The following SGCZ variants were observed in gnomAD, a reference collection of about 807,000 sequenced individuals.
SGCZ encodes the protein sarcoglycan zeta.
Under a neutral mutation model 41.3 loss-of-function variants are expected in SGCZ, and 40 were observed. The ratio of observed to expected loss-of-function variants is 0.97; its 90% CI spans 0.75 to 1.26. The LOEUF is 1.26. SGCZ is among the 50% of genes most tolerant of loss of function. SGCZ has a pLI of 0.00. For synonymous variants in SGCZ, 206 were observed against 137.5 expected, an observed-to-expected ratio of 1.50 and a Z score of -3.49; for missense variants, 552 against 369.8, an observed-to-expected ratio of 1.49 and a Z score of -4.04.
At chr8:14,532,200 T>C (rs1903592) in intron 2 of SGCZ, among the ~76,000 whole-genome samples, 54,646 of 151,840 alleles carry the variant, frequency 0.36, 10,431 homozygotes, top group East Asian at 0.5. Flanking sequence ...AAATCACAGA[T>C]GTATCCAGAT....
At chr8:14,999,036 G>A (rs1055468007) in intron 1 of SGCZ, among the ~76,000 whole-genome samples, 1 of 152,190 alleles carries the variant, frequency 6.6e-6, no homozygotes, top group African/African-American at 2.4e-5. Context: ...TAGGGGTGTT[G>A]TGTCCCAGGT....
At chr8:14,450,828 T>C (rs184649173) in intron 2 of SGCZ, among the ~76,000 whole-genome samples, 1 of 152,214 alleles carries the variant, frequency 6.6e-6, no homozygotes, top group East Asian at 1.9e-4. Context: ...TACCTGGGCT[T>C]CAGCTCTATT....
intron 1 of SGCZ, among the ~76,000 whole-genome samples, chr8:15,156,402 T>C (rs547778196): frequency 6.6e-6 from 1 of 152,302 alleles, no homozygotes; most frequent in East Asian, 1.9e-4. Flanking sequence ...CTAAGAGAAC[T>C]TGCCAATCGT....
At chr8:14,816,439 T>A (rs1801905000) in intron 1 of SGCZ, among the ~76,000 whole-genome samples, 1 of 152,222 alleles carries the variant, frequency 6.6e-6, no homozygotes, top group Non-Finnish European at 1.5e-5. Context: ...AATGTTATAT[T>A]CACTGATTTC....
intron 2 of SGCZ, 126 bp downstream of exon 2, chr8:14,554,606 T>A: frequency 1.3e-6 from 1 of 782,708 alleles, no homozygotes; most frequent in East Asian, 2.7e-5. Context: ...ATTATTTTCT[T>A]TGGGATTTAA....
intron 1 of SGCZ, among the ~76,000 whole-genome samples, chr8:15,213,759 T>A (rs1248693914): frequency 1.3e-5 from 2 of 151,862 alleles, no homozygotes; most frequent in Non-Finnish European, 2.9e-5. Flanking sequence ...CTAGATATAA[T>A]ACTGTTTTAT....
intron 1 of SGCZ, among the ~76,000 whole-genome samples, chr8:14,898,378 C>A (rs1235989709): frequency 1.3e-5 from 2 of 152,158 alleles, no homozygotes; most frequent in East Asian, 3.9e-4. Flanking sequence ...CCGAGGCTGC[C>A]GCTGAACCTC....
chr8:14,462,333 G>A (rs191567008), intron 2 of SGCZ, among the ~76,000 whole-genome samples: 1 of 151,948 alleles, frequency 6.6e-6, no homozygotes, highest in Non-Finnish European at 1.5e-5. Context: ...CATGTAATTT[G>A]TGTTCCTTTT....
At position 15,183,841 on chromosome 8, in the gene SGCZ, C is replaced by T. The variant is rs1460953671; in HGVS notation, c.39+53744G>A. 6.6e-5 allele frequency among the ~76,000 whole-genome samples: 10 copies of T among 152,104 alleles called. 1 individual carries two copies. Among genetic ancestry groups the T allele is most frequent in the Admixed American group, 5.9e-4 (9 of 15,264 alleles). Reference sequence around the variant, plus strand: ...TATGATCTGTTCTCACAAAATCTCACAGTTCACAAAAATTAACTTTACTAG... The same window carrying T: ...TATGATCTGTTCTCACAAAATCTCATAGTTCACAAAAATTAACTTTACTAG... On this transcript the variant is annotated intron_variant, in intron 1 of 7. Transcript: ENST00000382080.
intron 1 of SGCZ, among the ~76,000 whole-genome samples, chr8:14,902,697 A>T (rs1799006096): frequency 6.6e-6 from 1 of 152,164 alleles, no homozygotes. Flanking sequence ...AGAAAGATAT[A>T]AATATCACAA....
intron 2 of SGCZ, among the ~76,000 whole-genome samples, chr8:14,517,179 G>A (rs1234218358): frequency 6.6e-6 from 1 of 151,830 alleles, no homozygotes; most frequent in African/African-American, 2.4e-5. Context: ...TGACATGAGG[G>A]GATGATGGCG....
intron 2 of SGCZ, among the ~76,000 whole-genome samples, chr8:14,484,504 G>A (rs907164940): frequency 2.0e-5 from 3 of 152,056 alleles, no homozygotes; most frequent in African/African-American, 7.2e-5. Flanking sequence ...TTGCTATCTT[G>A]GTTAGCAGTT....
chr8:14,197,499 G>A (rs1370726382), intron 4 of SGCZ, among the ~76,000 whole-genome samples: 1 of 151,900 alleles, frequency 6.6e-6, no homozygotes, highest in Non-Finnish European at 1.5e-5. Context: ...GGTATGTTCA[G>A]CCTTTGAAAA....
intron 1 of SGCZ, among the ~76,000 whole-genome samples, chr8:14,873,014 G>A (rs922411697): frequency 6.6e-6 from 1 of 152,138 alleles, no homozygotes; most frequent in South Asian, 2.1e-4. Context: ...CATGATGTGT[G>A]GTTCCAGAGA....
intron 1 of SGCZ, among the ~76,000 whole-genome samples, chr8:14,829,992 T>C (rs1802471659): frequency 6.6e-6 from 1 of 152,148 alleles, no homozygotes; most frequent in Admixed American, 6.6e-5. Flanking sequence ...TTCTATTTTT[T>C]AGTAGAGACG....
chr8:14,664,753 T>A (rs542786532), intron 1 of SGCZ, among the ~76,000 whole-genome samples: 4 of 152,334 alleles, frequency 2.6e-5, no homozygotes, highest in African/African-American at 9.6e-5. Context: ...GCTGTTGACA[T>A]TACTCTCATA....
intron 1 of SGCZ, among the ~76,000 whole-genome samples, chr8:14,576,341 C>T (rs1004201561): frequency 1.6e-4 from 24 of 151,844 alleles, no homozygotes; most frequent in African/African-American, 5.8e-4. Flanking sequence ...AGTGAGCCCT[C>T]TAAAGGAGGG....
At chr8:15,204,170 A>G (rs1182178335) in intron 1 of SGCZ, among the ~76,000 whole-genome samples, 3 of 152,182 alleles carry the variant, frequency 2.0e-5, no homozygotes, top group South Asian at 2.1e-4. Context: ...TGTATATCCA[A>G]TGGTAATAAA....
intron 2 of SGCZ, among the ~76,000 whole-genome samples, chr8:14,481,616 G>A (rs941322116): frequency 6.6e-6 from 1 of 152,062 alleles, no homozygotes; most frequent in Admixed American, 6.5e-5. Flanking sequence ...CAAGGATTTT[G>A]TAACATCACT....
Sources: gnomAD v4.1 joint callset for allele counts (sites outside exome capture counted in the v4.1 genomes callset) on GRCh38, gnomAD v4.1.1 for gene constraint, MANE v1.5 for transcripts, NCBI Gene and HGNC (gene_info 2026-07-23, HGNC 2026-07-21) for gene names.